Variants in PLCB1 observed in about 807,000 individuals in gnomAD.
The protein encoded by PLCB1 is 1-phosphatidylinositol 4,5-bisphosphate phosphodiesterase beta-1.
Under a neutral mutation model 161.8 loss-of-function variants are expected in PLCB1, and 46 were observed. The ratio of observed to expected loss-of-function variants is 0.28; its 90% CI spans 0.22 to 0.36. The LOEUF (loss-of-function observed/expected upper bound fraction) is 0.36. Ranked by LOEUF, PLCB1 falls within the 10% of genes least tolerant of loss-of-function variation. PLCB1 has a pLI of 1.00. For synonymous variants in PLCB1, 517 were observed against 503.7 expected (o/e 1.03, Z -0.35); for missense variants, 1,016 against 1,472.5 (o/e 0.69, Z 5.07).
intron 2 of PLCB1, among the ~76,000 whole-genome samples, chr20:8,341,435 CT>C (rs1985805287): frequency 6.6e-6 from 1 of 152,170 alleles, no homozygotes; most frequent in African/African-American, 2.4e-5. Context: ...CTTAGGCTCA[CT>C]TTATATGCCT....
At chr20:8,154,546 A>T (rs2051540603) in intron 2 of PLCB1, among the ~76,000 whole-genome samples, 1 of 152,160 alleles carries the variant, frequency 6.6e-6, no homozygotes, top group Non-Finnish European at 1.5e-5. Flanking sequence ...TGGCTGTACC[A>T]TTTTATAACC....
intron 2 of PLCB1, among the ~76,000 whole-genome samples, chr20:8,276,622 T>C (rs1982559177): frequency 6.6e-6 from 1 of 152,216 alleles, no homozygotes; most frequent in South Asian, 2.1e-4. Context: ...AAGTACAAAT[T>C]CTATTGGTTG....
At chr20:8,239,881 G>A (rs1485969732) in intron 2 of PLCB1, among the ~76,000 whole-genome samples, 1 of 151,896 alleles carries the variant, frequency 6.6e-6, no homozygotes, top group Non-Finnish European at 1.5e-5. Context: ...TAAATATCTT[G>A]CCCACAGCTC....
At chr20:8,282,840 A>G (rs1982937164) in intron 2 of PLCB1, among the ~76,000 whole-genome samples, 1 of 152,176 alleles carries the variant, frequency 6.6e-6, no homozygotes, top group South Asian at 2.1e-4. Flanking sequence ...ATAAGGGATC[A>G]TGGTAGGACT....
chr20:8,688,091 G>C (rs1457926767), intron 10 of PLCB1, among the ~76,000 whole-genome samples: 1 of 152,130 alleles, frequency 6.6e-6, no homozygotes, highest in Admixed American at 6.5e-5. Flanking sequence ...CATTAGTGAT[G>C]TTGAGCATTT....
In PLCB1 at chr20:8,774,542, G is replaced by C; in HGVS notation, c.2934G>C (p.Ser978=). Residue 978 remains serine (S), a synonymous_variant, in exon 27 of 32, where the codon TCG becomes TCC. Transcript: ENST00000338037. ...KSAKKDSKKK[S]EPSSPDHGSS... ...GTCAAACTCTGTGTCTTTGCAGATC[G>C]GAACCCAGCAGCCCTGATCATGGTT... 1 of 1,605,252 alleles carries C rather than the reference G, an allele frequency of 6.2e-7. No individual in the cohort carries two copies. The highest frequency in any genetic ancestry group is 8.5e-7 in the Non-Finnish European group (1 of 1,173,790).
At chr20:8,731,397 GT>G (rs1424448558) in intron 18 of PLCB1, among the ~76,000 whole-genome samples, 1 of 151,612 alleles carries the variant, frequency 6.6e-6, no homozygotes, top group Non-Finnish European at 1.5e-5. Flanking sequence ...TCACCTCCTT[GT>G]CTATCAAACA....
chr20:8,462,602 A>G (rs1981629105), intron 3 of PLCB1, among the ~76,000 whole-genome samples: 1 of 152,202 alleles, frequency 6.6e-6, no homozygotes, highest in African/African-American at 2.4e-5. Context: ...TGCATTGATC[A>G]GTGTTTTCAC....
At chr20:8,735,370 A>AC (rs1262152501) in intron 19 of PLCB1, among the ~76,000 whole-genome samples, 14 of 152,218 alleles carry the variant, frequency 9.2e-5, no homozygotes, top group Non-Finnish European at 1.5e-4. Flanking sequence ...GACAAGTGTA[A>AC]CCTGCTGCTC....
intron 2 of PLCB1, among the ~76,000 whole-genome samples, chr20:8,276,986 C>CTTCTTCTTATTATTATTA (rs869194352): frequency 3.6e-4 from 34 of 93,342 alleles, no homozygotes; most frequent in East Asian, 1.0e-3. Context: ...TCTTCTTCTT[C>CTTCTTCTTATTATTATTA]TTATTATTAT....
intron 1 of PLCB1, among the ~76,000 whole-genome samples, chr20:8,148,694 A>G (rs2051479373): frequency 6.6e-6 from 1 of 152,260 alleles, no homozygotes; most frequent in Non-Finnish European, 1.5e-5. Context: ...TGGCATATAC[A>G]TAAATGGAAC....
At chr20:8,183,125 T>C (rs2051864291) in intron 2 of PLCB1, among the ~76,000 whole-genome samples, 2 of 152,256 alleles carry the variant, frequency 1.3e-5, no homozygotes, top group African/African-American at 2.4e-5. Context: ...TGTAGTTGTT[T>C]GTTATGTGGC....
rs964808130 is a variant in PLCB1, at chr20:8,256,344, C to A, written c.177+105973C>A. Among the ~76,000 whole-genome samples, 4 of 152,242 alleles carry A rather than the reference C, an allele frequency of 2.6e-5. 1 individual carries two copies. The highest frequency in any genetic ancestry group is 2.6e-4 in the Admixed American group (4 of 15,264). On this transcript the variant is annotated intron_variant, in intron 2 of 31. Transcript: ENST00000338037. ...GTGTATGGTCAGCCATTCTGCTAAGCCACTCTGGTTCTGAGAGTCTTTTGG... is the reference window on the plus strand; with the variant it reads ...GTGTATGGTCAGCCATTCTGCTAAGACACTCTGGTTCTGAGAGTCTTTTGG...
intron 3 of PLCB1, among the ~76,000 whole-genome samples, chr20:8,593,490 A>T (rs1396291060): frequency 2.0e-5 from 3 of 152,116 alleles, no homozygotes; most frequent in African/African-American, 7.2e-5. Context: ...CACCACACCC[A>T]GCCCCATGTA....
At chr20:8,405,932 A>G (rs192180471) in intron 3 of PLCB1, among the ~76,000 whole-genome samples, 54 of 152,302 alleles carry the variant, frequency 3.5e-4, no homozygotes, top group Non-Finnish European at 6.8e-4. Flanking sequence ...CAGTGACACC[A>G]TGTTGATAGA....
intron 31 of PLCB1, among the ~76,000 whole-genome samples, chr20:8,795,877 C>CAA (rs368453811): frequency 3.8e-4 from 27 of 71,762 alleles, no homozygotes; most frequent in South Asian, 2.7e-3. Flanking sequence ...CACCCTGTCT[C>CAA]AAAAAAAAAA....
At chr20:8,536,606 C>G (rs962816669) in intron 3 of PLCB1, among the ~76,000 whole-genome samples, 2 of 152,182 alleles carry the variant, frequency 1.3e-5, no homozygotes, top group African/African-American at 4.8e-5. Context: ...GTGATCATCA[C>G]TCACCGGCCC....
chr20:8,378,597 T>G (rs1987166126), intron 3 of PLCB1, among the ~76,000 whole-genome samples: 1 of 152,232 alleles, frequency 6.6e-6, no homozygotes, highest in Non-Finnish European at 1.5e-5. Context: ...TGCTGGCCAT[T>G]CAGGGTAGTG....
At chr20:8,289,471 G>A (rs184815604) in intron 2 of PLCB1, among the ~76,000 whole-genome samples, 38 of 152,212 alleles carry the variant, frequency 2.5e-4, no homozygotes, top group African/African-American at 8.4e-4. Context: ...ATAACAGCTC[G>A]GTGAAATAGG....
Sources: allele counts gnomAD v4.1 joint callset (sites outside exome capture counted in the v4.1 genomes callset), GRCh38; gene constraint gnomAD v4.1.1; transcripts MANE v1.5; gene names NCBI Gene and HGNC (gene_info 2026-07-23, HGNC 2026-07-21).